The following GPRC6A variants were observed in gnomAD, a reference collection of about 807,000 sequenced individuals.
GPRC6A encodes the protein G protein-coupled receptor family C group 6 member A.
GPRC6A carries 54 observed loss-of-function variants against 47.0 expected under a neutral mutation model. The observed-to-expected ratio is 1.15, with a 90% CI of 0.92 to 1.44. The LOEUF is 1.44. Among genes scored for constraint, GPRC6A ranks in the 40% most tolerant of loss-of-function variants. The pLI, the probability that GPRC6A is intolerant of heterozygous loss-of-function variation, is 0.00. For missense variants in GPRC6A, 1,112 were observed against 1,105.5 expected (o/e 1.01, Z -0.08); for synonymous variants, 347 against 377.1 (o/e 0.92, Z 0.93).
At chr6:116,819,485 GAA>G (rs1403561593) in intron 1 of GPRC6A, among the ~76,000 whole-genome samples, 2 of 152,080 alleles carry the variant, frequency 1.3e-5, no homozygotes, top group African/African-American at 2.4e-5. Flanking sequence ...AAATGTAAAA[GAA>G]GAGAGATTAT....
At chr6:116,828,735 T>G in intron 1 of GPRC6A, 85 bp downstream of exon 1, 1 of 1,085,210 alleles carries the variant, frequency 9.2e-7, no homozygotes, top group Non-Finnish European at 1.3e-6. Flanking sequence ...TTAAATGATT[T>G]AGATATTAAT....
intron 1 of GPRC6A, among the ~76,000 whole-genome samples, chr6:116,824,322 A>G (rs1773606977): frequency 6.6e-6 from 1 of 151,910 alleles, no homozygotes. Context: ...CTTCAAAAAG[A>G]TAAAAAAAAT....
At position 116,809,522 on chromosome 6, in the gene GPRC6A, T is replaced by A; in HGVS notation, c.290A>T (p.Tyr97Phe). 6.2e-7 allele frequency: 1 copy of A among 1,613,202 alleles called. No individual in the cohort carries two copies. Among genetic ancestry groups the A allele is most frequent in the Non-Finnish European group, 8.5e-7 (1 of 1,179,302 alleles). Residue 97 changes from tyrosine to phenylalanine, a missense_variant, in exon 2 of 6, where the codon TAT becomes TTT. Coordinates refer to ENST00000310357, the MANE Select transcript of GPRC6A (RefSeq NM_148963.4). ...STLLPGVKLG[Y>F]EIYDTCTEVT... ...TTCTGTACAAGTGTCATAGATTTCA[T>A]ACCCCAGTTTGACTCCAGGTAAGAG... is the stretch of plus-strand genomic sequence containing the variant.
intron 5 of GPRC6A, among the ~76,000 whole-genome samples, chr6:116,794,014 T>C (rs1452694592): frequency 6.6e-6 from 1 of 152,218 alleles, no homozygotes; most frequent in Non-Finnish European, 1.5e-5. Flanking sequence ...CTTTGAAAAG[T>C]ATTTATGCTT....
At chr6:116,804,977 C>T (rs569654106) in intron 3 of GPRC6A, among the ~76,000 whole-genome samples, 2 of 152,078 alleles carry the variant, frequency 1.3e-5, no homozygotes, top group East Asian at 3.9e-4. Flanking sequence ...AACAGTTTTT[C>T]TGCAGTGCAC....
intron 5 of GPRC6A, 147 bp from the exon 6 acceptor site, chr6:116,793,397 A>G (rs1452038364): frequency 5.9e-6 from 3 of 512,164 alleles, no homozygotes; most frequent in Non-Finnish European, 9.7e-6. Flanking sequence ...ATTAAAATAA[A>G]ACATGCTAAA....
intron 5 of GPRC6A, among the ~76,000 whole-genome samples, chr6:116,794,110 C>T (rs951438221): frequency 3.9e-5 from 6 of 152,128 alleles, no homozygotes; most frequent in African/African-American, 1.4e-4. Context: ...TTCCAGCCAC[C>T]CAAAGTTGGT....
At position 116,792,712 on chromosome 6, in the gene GPRC6A, G is replaced by A. The variant is rs370453573; in HGVS notation, c.2211C>T (p.Pro737=). 5.0e-6 allele frequency: 8 copies of A among 1,612,840 alleles called. No homozygotes were observed. The African/African-American group carries it at 1.1e-4, about 22-fold the overall frequency. The change falls in exon 6 of 6, where the codon CCC becomes CCT. Residue 737 remains proline, a synonymous_variant. Coordinates refer to ENST00000310357, the MANE Select transcript of GPRC6A (RefSeq NM_148963.4). ...APTVEVNVSL[P]RVIILECEEG... ...CCTCACACTCCAGGATGATGACTCT[G>A]GGCAAGGAGACATTCACCTCTACAG...
chr6:116,816,875 C>T (rs1238546805), intron 1 of GPRC6A, among the ~76,000 whole-genome samples: 5 of 152,094 alleles, frequency 3.3e-5, no homozygotes, highest in Non-Finnish European at 5.9e-5. Flanking sequence ...GCACCTGGCT[C>T]AGAGGGTCCT....
At position 116,795,694 on chromosome 6, in the gene GPRC6A, T is replaced by C; in HGVS notation, c.1672+18A>G. On this transcript the variant is annotated intron_variant, in intron 5 of 5. Transcript: ENST00000310357. ...CTAAGAGGAATGATTCAGGTGTATG[T>C]GGAGTGACTGTGATTACCTGTCTGA... is the stretch of plus-strand genomic sequence containing the variant. 1 of 1,593,292 alleles carries C rather than the reference T, an allele frequency of 6.3e-7. No individual in the cohort carries two copies. The highest frequency in any genetic ancestry group is 1.1e-5 in the South Asian group (1 of 87,720).
chr6:116,825,083 A>T (rs1773637056), intron 1 of GPRC6A, among the ~76,000 whole-genome samples: 1 of 152,082 alleles, frequency 6.6e-6, no homozygotes, highest in African/African-American at 2.4e-5. Flanking sequence ...GATGGAACAT[A>T]CTTCAAATTA....
At chr6:116,804,197 C>T (rs1365756809) in intron 3 of GPRC6A, among the ~76,000 whole-genome samples, 2 of 152,028 alleles carry the variant, frequency 1.3e-5, no homozygotes, top group Admixed American at 1.3e-4. Flanking sequence ...GTATCCTCCA[C>T]ACACATCTGA....
chr6:116,818,281 T>A (rs1163419222), intron 1 of GPRC6A, among the ~76,000 whole-genome samples: 1 of 151,658 alleles, frequency 6.6e-6, no homozygotes, highest in East Asian at 1.9e-4. Flanking sequence ...ACGCCTGTAA[T>A]CCCAGCACTT....
chr6:116,815,925 G>A (rs142908798), intron 1 of GPRC6A, among the ~76,000 whole-genome samples: 132 of 152,350 alleles, frequency 8.7e-4, no homozygotes, highest in African/African-American at 3.0e-3. Flanking sequence ...TCATGGTCCT[G>A]CAGGCTGTAC....
chr6:116,810,017 T>C (rs1243274069), intron 1 of GPRC6A, among the ~76,000 whole-genome samples: 1 of 152,184 alleles, frequency 6.6e-6, no homozygotes, highest in Non-Finnish European at 1.5e-5. Flanking sequence ...GGAAACCAGA[T>C]AAATAAGACT....
intron 5 of GPRC6A, among the ~76,000 whole-genome samples, chr6:116,794,817 A>G (rs1437969937): frequency 6.6e-6 from 1 of 152,200 alleles, no homozygotes; most frequent in Non-Finnish European, 1.5e-5. Context: ...GCAGATACAT[A>G]TAAAGTTTTG....
At chr6:116,796,065 AAT>A (rs1562478322) in intron 4 of GPRC6A, among the ~76,000 whole-genome samples, 1 of 152,126 alleles carries the variant, frequency 6.6e-6, no homozygotes, top group Non-Finnish European at 1.5e-5. Context: ...TCTGTAAGCA[AAT>A]TATGGAAATT....
In GPRC6A at chr6:116,817,353, A is replaced by C. The variant is rs1204308880; in HGVS notation, c.195-7736T>G. ...TGTCTGTTAGAAGGAAAACTAACAA[A>C]CAGAAAGGACATCCACACCAAAAAC... On this transcript the variant is annotated intron_variant, in intron 1 of 5. Transcript: ENST00000310357. Among the ~76,000 whole-genome samples the C allele has an allele frequency of 1.1e-4, 16 of 151,976 alleles. No individual in the cohort carries two copies. The East Asian group carries it at 2.7e-3, about 26-fold the overall frequency.
chr6:116,805,125 T>C (rs958836056), intron 3 of GPRC6A, among the ~76,000 whole-genome samples: 4 of 152,074 alleles, frequency 2.6e-5, no homozygotes, highest in Non-Finnish European at 5.9e-5. Context: ...AATGCTTTCA[T>C]ATAGGTGTCT....
Sources: allele counts gnomAD v4.1 joint callset (sites outside exome capture counted in the v4.1 genomes callset), GRCh38; gene constraint gnomAD v4.1.1; transcripts MANE v1.5; gene names NCBI Gene and HGNC (gene_info 2026-07-23, HGNC 2026-07-21).